EFCAB14: variants seen among roughly 807,000 people sequenced by gnomAD.
EFCAB14 encodes EF-hand calcium-binding domain-containing protein 14.
Under a neutral mutation model 56.5 loss-of-function variants are expected in EFCAB14, and 43 were observed. That is an observed-to-expected ratio of 0.76 (90% CI 0.60 to 0.98). The LOEUF (loss-of-function observed/expected upper bound fraction) is 0.98. Among genes scored for constraint, EFCAB14 ranks in the 50% least tolerant of loss-of-function variants. The pLI is 0.00. For synonymous variants in EFCAB14, 235 were observed against 212.9 expected (o/e 1.10, Z -0.90); for missense variants, 538 against 580.3 (o/e 0.93, Z 0.75).
intron 1 of EFCAB14, 46 bp from the exon 2 acceptor site, chr1:46,716,489 G>C (rs774132670): frequency 1.2e-6 from 2 of 1,602,928 alleles, no homozygotes; most frequent in Non-Finnish European, 1.7e-6. Flanking sequence ...AGTGATTATG[G>C]GTATAGCTTT....
At chr1:46,689,451 C>T in intron 6 of EFCAB14, 136 bp downstream of exon 6, 1 of 729,704 alleles carries the variant, frequency 1.4e-6, no homozygotes, top group Non-Finnish European at 2.3e-6. Context: ...AACACACATT[C>T]CTCTCTGCTC....
chr1:46,688,575 C>T (rs769081202), intron 6 of EFCAB14, 31 bp from the exon 7 acceptor site: 2 of 1,591,570 alleles, frequency 1.3e-6, no homozygotes, highest in Admixed American at 3.4e-5. Flanking sequence ...GTTATGGAAT[C>T]CACTAAAGAC....
intron 10 of EFCAB14, among the ~76,000 whole-genome samples, chr1:46,680,927 C>G (rs148279328): frequency 1.9e-4 from 29 of 151,834 alleles, no homozygotes; most frequent in African/African-American, 6.5e-4. Flanking sequence ...GGCATTTTCT[C>G]AAGGGCCTCA....
chr1:46,697,553 A>G (rs868098614), intron 3 of EFCAB14, among the ~76,000 whole-genome samples: 1 of 152,234 alleles, frequency 6.6e-6, no homozygotes, highest in Non-Finnish European at 1.5e-5. Flanking sequence ...AATTATATTC[A>G]GAGTGGCCTC....
chr1:46,689,268 T>C (rs1282604101), intron 6 of EFCAB14, among the ~76,000 whole-genome samples: 1 of 152,204 alleles, frequency 6.6e-6, no homozygotes, highest in Non-Finnish European at 1.5e-5. Flanking sequence ...TAGCTATCCA[T>C]TCATCTTTAA....
chr1:46,688,337 A>G lies in EFCAB14; in HGVS notation c.987+16T>C. On this transcript the variant is annotated intron_variant, in intron 7 of 10. Transcript: ENST00000371933. Reference sequence around the variant, plus strand: ...CAAAACACACTGCATGTCACAAAAGATCAGAAAAGGCTTACCATGCTGAAG... The same window carrying G: ...CAAAACACACTGCATGTCACAAAAGGTCAGAAAAGGCTTACCATGCTGAAG... The G allele has an allele frequency of 6.2e-7, 1 of 1,610,510 alleles. No homozygotes were observed. The highest frequency in any genetic ancestry group is 8.5e-7 in the Non-Finnish European group (1 of 1,177,674).
At chr1:46,703,197 C>T (rs1284755047) in intron 3 of EFCAB14, among the ~76,000 whole-genome samples, 1 of 152,016 alleles carries the variant, frequency 6.6e-6, no homozygotes, top group Non-Finnish European at 1.5e-5. Context: ...GCAACCTCTG[C>T]CTCCCGGGTT....
intron 7 of EFCAB14, among the ~76,000 whole-genome samples, chr1:46,687,565 T>G (rs1676905707): frequency 6.6e-6 from 1 of 152,204 alleles, no homozygotes; most frequent in Non-Finnish European, 1.5e-5. Flanking sequence ...GCTTTGGTGG[T>G]TACTTGAATT....
At chr1:46,708,926 C>T (rs963436030) in intron 2 of EFCAB14, among the ~76,000 whole-genome samples, 2 of 147,986 alleles carry the variant, frequency 1.4e-5, no homozygotes, top group Non-Finnish European at 1.5e-5. Context: ...GGCTGGTCCT[C>T]CAGAATAAAA....
chr1:46,690,876 G>C (rs1176606475), intron 5 of EFCAB14, among the ~76,000 whole-genome samples: 1 of 146,872 alleles, frequency 6.8e-6, no homozygotes, highest in East Asian at 2.1e-4. Context: ...ATTTAAACTT[G>C]AAATTCTGAA....
At chr1:46,715,518 A>G (rs891928125) in intron 2 of EFCAB14, among the ~76,000 whole-genome samples, 2 of 152,106 alleles carry the variant, frequency 1.3e-5, no homozygotes, top group African/African-American at 4.8e-5. Flanking sequence ...CTATGCTCCT[A>G]TTCAGTCCTT....
chr1:46,705,922 T>C (rs1677226939), intron 3 of EFCAB14, among the ~76,000 whole-genome samples: 1 of 151,834 alleles, frequency 6.6e-6, no homozygotes, highest in Admixed American at 6.6e-5. Context: ...TAGAGTGCAG[T>C]GACACGATTA....
At chr1:46,712,899 AGCTACT>A (rs1677329969) in intron 2 of EFCAB14, among the ~76,000 whole-genome samples, 1 of 151,984 alleles carries the variant, frequency 6.6e-6, no homozygotes, top group Non-Finnish European at 1.5e-5. Flanking sequence ...TGTAATTCCC[AGCTACT>A]CAGGAGGCTG....
intron 3 of EFCAB14, among the ~76,000 whole-genome samples, chr1:46,696,909 G>A (rs542419262): frequency 6.6e-6 from 1 of 152,276 alleles, no homozygotes; most frequent in East Asian, 1.9e-4. Context: ...TCTTTACCCT[G>A]TCCTGGCAGC....
intron 2 of EFCAB14, among the ~76,000 whole-genome samples, chr1:46,716,076 C>T (rs752467760): frequency 1.3e-4 from 20 of 151,430 alleles, no homozygotes; most frequent in Non-Finnish European, 1.5e-5. Context: ...GGTGAAACCC[C>T]GTCTCTACTA....
chr1:46,683,005 A>G (rs1468713391), intron 10 of EFCAB14, among the ~76,000 whole-genome samples: 1 of 140,320 alleles, frequency 7.1e-6, no homozygotes, highest in Non-Finnish European at 1.6e-5. Flanking sequence ...CTGGGGGTCT[A>G]AAAAAAAAGC....
chr1:46,678,173 C>CA lies in EFCAB14; in HGVS notation c.*287dup, dbSNP rs1367823791. 4 of 255,562 alleles carry CA rather than the reference C, an allele frequency of 1.6e-5. No individual in the cohort carries two copies. Among genetic ancestry groups the CA allele is most frequent in the Non-Finnish European group, 2.9e-5 (4 of 136,322 alleles). 15.8% of individuals were successfully genotyped at this position (255,562 alleles called of 1,614,324 possible). A position where few individuals can be genotyped will look rare whatever the true frequency, so the allele number is the denominator to read the frequency against. On this transcript the variant is annotated 3_prime_UTR_variant, in exon 11 of 11. Coordinates refer to ENST00000371933, the MANE Select transcript of EFCAB14 (RefSeq NM_014774.3). Reference sequence around the variant, plus strand: ...TTTAAAAGATAAGGTCTCCTCCCCTCAAAAAAAGGAAAGAGAAAAAAAGAG... The same window carrying CA: ...TTTAAAAGATAAGGTCTCCTCCCCTCAAAAAAAAGGAAAGAGAAAAAAAGAG...
intron 1 of EFCAB14, among the ~76,000 whole-genome samples, chr1:46,717,304 C>T (rs1184021748): frequency 6.6e-6 from 1 of 152,156 alleles, no homozygotes; most frequent in African/African-American, 2.4e-5. Context: ...TTTTGAAGTT[C>T]CCTTTAGTCC....
intron 4 of EFCAB14, among the ~76,000 whole-genome samples, chr1:46,695,496 T>C (rs1677066409): frequency 6.6e-6 from 1 of 152,210 alleles, no homozygotes; most frequent in African/African-American, 2.4e-5. Flanking sequence ...TAGAAATTTC[T>C]TGCTCCTTTG....
Sources: allele counts gnomAD v4.1 joint callset (sites outside exome capture counted in the v4.1 genomes callset), GRCh38; gene constraint gnomAD v4.1.1; transcripts MANE v1.5; gene names NCBI Gene and HGNC (gene_info 2026-07-23, HGNC 2026-07-21).